PCDHA2: variants seen among roughly 807,000 people sequenced by gnomAD.
PCDHA2 encodes the protein protocadherin alpha-2.
In PCDHA2, 58 loss-of-function variants were observed where a neutral mutation model predicts 66.0. The observed-to-expected ratio is 0.88, with a 90% CI of 0.71 to 1.09. PCDHA2 has a LOEUF of 1.09. Among genes scored for constraint, PCDHA2 ranks in the 50% least tolerant of loss-of-function variants. PCDHA2 has a pLI of 0.00. For synonymous variants in PCDHA2, 634 were observed against 554.0 expected (o/e 1.14, Z -2.03); for missense variants, 1,267 against 1,242.3 (o/e 1.02, Z -0.30).
intron 1 of PCDHA2, among the ~76,000 whole-genome samples, chr5:140,955,338 C>T (rs1232401709): frequency 6.6e-6 from 1 of 152,062 alleles, no homozygotes; most frequent in African/African-American, 2.4e-5. Flanking sequence ...TCCCATAATC[C>T]CCACATGTTG....
chr5:140,843,493 A>T, intron 1 of PCDHA2: 1 of 1,595,930 alleles, frequency 6.3e-7, no homozygotes, highest in Non-Finnish European at 8.6e-7. Context: ...TGCGGTGCTC[A>T]GCACTGCCCA....
intron 1 of PCDHA2, chr5:140,862,870 G>T: frequency 1.8e-6 from 1 of 569,162 alleles, no homozygotes; most frequent in Non-Finnish European, 3.4e-6. Flanking sequence ...GACGCTGCCA[G>T]GTATTAGTGC....
In PCDHA2 at chr5:140,891,823, C is replaced by T. The variant is rs186209593; in HGVS notation, c.2389-87126C>T. On this transcript the variant is annotated intron_variant, in intron 1 of 3. Transcript: ENST00000526136. ...TGCCCTCATGAATAAATTAACGGCACTGTAAAAGGACTTGATGGAAGGAGC... is the reference window on the plus strand; with the variant it reads ...TGCCCTCATGAATAAATTAACGGCATTGTAAAAGGACTTGATGGAAGGAGC... Among the ~76,000 whole-genome samples, 1,217 of 152,254 alleles carry T rather than the reference C, an allele frequency of 8.0e-3. 6 individuals carry two copies. The highest frequency in any genetic ancestry group is 0.019 in the African/African-American group (784 of 41,536).
At chr5:140,835,237 T>G (rs1271413656) in intron 1 of PCDHA2, 2 of 1,599,540 alleles carry the variant, frequency 1.3e-6, no homozygotes, top group Non-Finnish European at 1.7e-6. Context: ...TCCAGTGATG[T>G]TTCTCCAGAT....
intron 1 of PCDHA2, among the ~76,000 whole-genome samples, chr5:140,855,454 C>T (rs2043476507): frequency 6.7e-6 from 1 of 149,874 alleles, no homozygotes; most frequent in Non-Finnish European, 1.5e-5. Flanking sequence ...GAGTTATAAA[C>T]ACCTCACAGA....
intron 1 of PCDHA2, among the ~76,000 whole-genome samples, chr5:140,938,918 A>T (rs2092265154): frequency 6.6e-6 from 1 of 152,006 alleles, no homozygotes; most frequent in Non-Finnish European, 1.5e-5. Flanking sequence ...CACGCACAAG[A>T]AATTGGCTTT....
intron 3 of PCDHA2, among the ~76,000 whole-genome samples, chr5:141,000,522 G>A (rs1294045842): frequency 4.2e-5 from 6 of 143,688 alleles, no homozygotes; most frequent in African/African-American, 1.6e-4. Context: ...CCTTCTCCAG[G>A]GTTCAAGTGA....
In PCDHA2 at chr5:140,872,619, G is replaced by A. The variant is rs571473600; in HGVS notation, c.2388+75267G>A. On this transcript the variant is annotated intron_variant, in intron 1 of 3. Transcript: ENST00000526136. ...TCTGAAAAAATAATTTTTTTTGCCT[G>A]TTCTTGATTTTGTTCCATGAAAAGG... Among the ~76,000 whole-genome samples, 128 of 152,108 alleles carry A rather than the reference G, an allele frequency of 8.4e-4. 1 individual carries two copies. The highest frequency in any genetic ancestry group is 3.4e-3 in the Middle Eastern group (1 of 294).
rs199814121 is a variant in PCDHA2, at chr5:140,884,467, G to T, written c.2388+87115G>T. 3.9e-5 allele frequency: 63 copies of T among 1,613,778 alleles called. No individual in the cohort carries two copies. In the East Asian group the frequency reaches 1.3e-3, roughly 33 times the overall value. The stretch of plus-strand genomic sequence containing the variant: ...CACCGCCCACCGAGGGCGCGTGCGC[G>T]CCGGGCAAGCCCACTCTAGTGTGCT... On this transcript the variant is annotated intron_variant, in intron 1 of 3. Transcript: ENST00000526136.
intron 1 of PCDHA2, among the ~76,000 whole-genome samples, chr5:140,908,655 G>C (rs1419890192): frequency 6.6e-6 from 1 of 152,176 alleles, no homozygotes; most frequent in East Asian, 1.9e-4. Context: ...ATGGGGGCCT[G>C]CCAAAGGCTC....
chr5:140,828,352 T>C (rs1222673665), intron 1 of PCDHA2: 1 of 1,614,116 alleles, frequency 6.2e-7, no homozygotes, highest in African/African-American at 1.3e-5. Flanking sequence ...TGTTTGTGAA[T>C]TCTCGGATCG....
At position 141,011,529 on chromosome 5, in the gene PCDHA2, G is replaced by A. The variant is rs2098420955; in HGVS notation, c.*1592G>A. On this transcript the variant is annotated 3_prime_UTR_variant, in exon 4 of 4. Coordinates refer to ENST00000526136, the MANE Select transcript of PCDHA2 (RefSeq NM_018905.3). ...GTGGAGTAGTGTTTTTTTAACCATT[G>A]TTAATCAGCTTTTGTGTATGAAAGA... 1.3e-5 allele frequency: 2 copies of A among 153,538 alleles called. No homozygotes were observed. The highest frequency in any genetic ancestry group is 3.9e-4 in the East Asian group (2 of 5,188). The allele number at this position is 153,538 out of a possible 1,614,324, so 9.5% of individuals were successfully genotyped here.
intron 1 of PCDHA2, chr5:140,848,580 G>T: frequency 6.3e-7 from 1 of 1,595,144 alleles, no homozygotes; most frequent in Non-Finnish European, 8.6e-7. Context: ...GGTGGGGAGC[G>T]GCCAGCTCCA....
At chr5:140,845,354 C>A (rs2150378670) in intron 1 of PCDHA2, among the ~76,000 whole-genome samples, 4 of 149,532 alleles carry the variant, frequency 2.7e-5, no homozygotes, top group Non-Finnish European at 6.0e-5. Context: ...ATTTAATTGA[C>A]TTTTACAAAA....
chr5:141,003,540 T>A (rs2098129225), intron 3 of PCDHA2, among the ~76,000 whole-genome samples: 1 of 152,188 alleles, frequency 6.6e-6, no homozygotes, highest in Non-Finnish European at 1.5e-5. Flanking sequence ...CTTGAACTCC[T>A]GGCTTCAAGT....
chr5:140,806,047 C>T (rs541263221), intron 1 of PCDHA2, among the ~76,000 whole-genome samples: 4 of 152,090 alleles, frequency 2.6e-5, no homozygotes, highest in African/African-American at 7.2e-5. Flanking sequence ...AATAAATGGC[C>T]CACGCGATTC....
chr5:140,968,058 G>A lies in PCDHA2; in HGVS notation c.2389-10891G>A, dbSNP rs532963970. On this transcript the variant is annotated intron_variant, in intron 1 of 3. Transcript: ENST00000526136. The stretch of plus-strand genomic sequence containing the variant: ...GTGAGCGGCCCACTGGACCGAGAGC[G>A]GGTGGCTGTCTACAACATCACGGTG... The A allele has an allele frequency of 1.1e-5, 18 of 1,614,088 alleles. No individual in the cohort carries two copies. The highest frequency in any genetic ancestry group is 4.0e-5 in the African/African-American group (3 of 75,026).
At chr5:140,968,467 A>T in intron 1 of PCDHA2, 1 of 1,614,124 alleles carries the variant, frequency 6.2e-7, no homozygotes, top group East Asian at 2.2e-5. Flanking sequence ...CTGCCAACGT[A>T]TATGTGGTGG....
chr5:140,959,696 G>A (rs1344206142), intron 1 of PCDHA2, among the ~76,000 whole-genome samples: 1 of 152,098 alleles, frequency 6.6e-6, no homozygotes, highest in Non-Finnish European at 1.5e-5. Flanking sequence ...AATAAAATGA[G>A]CTTTGAAAGG....
Sources: allele counts gnomAD v4.1 joint callset (sites outside exome capture counted in the v4.1 genomes callset), GRCh38; gene constraint gnomAD v4.1.1; transcripts MANE v1.5; gene names NCBI Gene and HGNC (gene_info 2026-07-23, HGNC 2026-07-21).